Variants in IL1RAPL1 observed in about 807,000 individuals in gnomAD.
The protein encoded by IL1RAPL1 is interleukin-1 receptor accessory protein-like 1.
In IL1RAPL1, 3 loss-of-function variants were observed where a neutral mutation model predicts 48.4. That is an observed-to-expected ratio of 0.06 (90% CI 0.03 to 0.16). The LOEUF (loss-of-function observed/expected upper bound fraction) is 0.16. IL1RAPL1 is among the 10% of genes least tolerant of loss of function. The probability of loss-of-function intolerance (pLI) is 1.00; values close to 1 mark genes in which losing one functional copy is unlikely to be tolerated. For synonymous variants in IL1RAPL1, 185 were observed against 187.7 expected (o/e 0.99, Z 0.12); for missense variants, 349 against 530.6 (o/e 0.66, Z 3.36).
At chrX:28,896,927 A>G (rs1466357842) in intron 2 of IL1RAPL1, among the ~76,000 whole-genome samples, 2 of 111,153 alleles carry the variant, frequency 1.8e-5, no homozygotes, top group African/African-American at 6.5e-5. Flanking sequence ...GGAAAAATCA[A>G]AAGTGCCATT....
intron 8 of IL1RAPL1, among the ~76,000 whole-genome samples, chrX:29,936,292 TGA>T (rs1222425988): frequency 9.0e-6 from 1 of 110,881 alleles, no homozygotes; most frequent in East Asian, 2.8e-4. Flanking sequence ...TATAACACAA[TGA>T]GAGAAAAAGA....
At chrX:29,408,924 A>G (rs1328958701) in intron 5 of IL1RAPL1, among the ~76,000 whole-genome samples, 13 of 112,110 alleles carry the variant, frequency 1.2e-4, no homozygotes, top group African/African-American at 4.2e-4. Context: ...GCTGATCGCT[A>G]TGAGAGATTT....
At chrX:29,471,098 C>G (rs1470639012) in intron 5 of IL1RAPL1, among the ~76,000 whole-genome samples, 1 of 110,883 alleles carries the variant, frequency 9.0e-6, no homozygotes, top group Non-Finnish European at 1.9e-5. Flanking sequence ...TTTATTTACC[C>G]AAAGTCGAGA....
intron 2 of IL1RAPL1, among the ~76,000 whole-genome samples, chrX:28,898,561 C>T (rs964960042): frequency 2.7e-5 from 3 of 110,839 alleles, no homozygotes; most frequent in East Asian, 2.8e-4. Context: ...GCAGTCCTAC[C>T]GCCTCTGCCT....
chrX:29,712,398 T>A (rs1927376077), intron 6 of IL1RAPL1, among the ~76,000 whole-genome samples: 1 of 111,719 alleles, frequency 9.0e-6, no homozygotes, highest in Non-Finnish European at 1.9e-5. Flanking sequence ...TGTCAAATAA[T>A]AAATAATTTT....
In IL1RAPL1 at chrX:28,646,354, G is replaced by A. The variant is rs1316556500; in HGVS notation, c.-25+58307G>A. Among the ~76,000 whole-genome samples the A allele has an allele frequency of 2.7e-5, 3 of 112,145 alleles. No homozygotes were observed. The East Asian group carries it at 8.4e-4, about 31-fold the overall frequency. ...TGGCCAGCCACTCATCTCCTGCTAT[G>A]CAGCCCAGTTCTGACCCAGGCTGCA... On this transcript the variant is annotated intron_variant, in intron 1 of 10. Transcript: ENST00000378993.
intron 5 of IL1RAPL1, among the ~76,000 whole-genome samples, chrX:29,557,159 TG>T (rs1370775625): frequency 8.9e-6 from 1 of 111,914 alleles, no homozygotes; most frequent in East Asian, 2.8e-4. Flanking sequence ...ATTAAGTTGT[TG>T]GCTGTCTGGT....
intron 6 of IL1RAPL1, among the ~76,000 whole-genome samples, chrX:29,695,244 G>A (rs1926878369): frequency 9.0e-6 from 1 of 111,411 alleles, no homozygotes; most frequent in South Asian, 3.8e-4. Flanking sequence ...GTACAGAGAG[G>A]TTTCCCAAGG....
chrX:28,811,173 A>C (rs780577728), intron 2 of IL1RAPL1, among the ~76,000 whole-genome samples: 1 of 110,776 alleles, frequency 9.0e-6, no homozygotes, highest in Non-Finnish European at 1.9e-5. Flanking sequence ...AATTATTTCA[A>C]CTTAAATAAT....
intron 5 of IL1RAPL1, among the ~76,000 whole-genome samples, chrX:29,633,468 T>TACAC (rs200222696): frequency 0.012 from 1,196 of 97,733 alleles, 7 homozygotes; most frequent in East Asian, 0.021. Flanking sequence ...GATATATATA[T>TACAC]ACACACACAC....
intron 6 of IL1RAPL1, among the ~76,000 whole-genome samples, chrX:29,747,779 T>C (rs765359695): frequency 1.5e-4 from 17 of 112,725 alleles, no homozygotes; most frequent in Admixed American, 3.8e-4. Context: ...AGCTATTTTG[T>C]ATGATACAGG....
At chrX:28,748,227 G>A (rs774699131) in intron 1 of IL1RAPL1, among the ~76,000 whole-genome samples, 100 of 111,686 alleles carry the variant, frequency 9.0e-4, no homozygotes, top group Admixed American at 1.9e-3. Context: ...GTTTTATTTT[G>A]CTGTCCGTAA....
intron 5 of IL1RAPL1, among the ~76,000 whole-genome samples, chrX:29,557,427 A>G (rs150118324): frequency 4.6e-3 from 513 of 112,056 alleles, no homozygotes; most frequent in Non-Finnish European, 7.2e-3. Flanking sequence ...GTACAACACG[A>G]TGTTTCGATG....
At chrX:29,890,284 TTTAG>T (rs1169027410) in intron 6 of IL1RAPL1, among the ~76,000 whole-genome samples, 1 of 111,843 alleles carries the variant, frequency 8.9e-6, no homozygotes, top group Non-Finnish European at 1.9e-5. Context: ...AGGCCATAGC[TTTAG>T]TTAAATCGGC....
At chrX:29,817,510 C>A (rs1296246941) in intron 6 of IL1RAPL1, among the ~76,000 whole-genome samples, 1 of 110,920 alleles carries the variant, frequency 9.0e-6, no homozygotes, top group Non-Finnish European at 1.9e-5. Flanking sequence ...ATTGATGGTA[C>A]TAAGTTGGCT....
At chrX:29,665,168 A>G (rs955798413) in intron 5 of IL1RAPL1, among the ~76,000 whole-genome samples, 1 of 112,461 alleles carries the variant, frequency 8.9e-6, no homozygotes, top group Non-Finnish European at 1.9e-5. Context: ...CCTGTGCTTC[A>G]TATCATTACT....
intron 6 of IL1RAPL1, among the ~76,000 whole-genome samples, chrX:29,906,330 G>C (rs1376821029): frequency 2.4e-5 from 2 of 83,233 alleles, no homozygotes; most frequent in Non-Finnish European, 4.4e-5. Flanking sequence ...GCGAGACTCT[G>C]TCTCAAAAAA....
intron 1 of IL1RAPL1, among the ~76,000 whole-genome samples, chrX:28,597,515 G>A (rs960940251): frequency 9.0e-6 from 1 of 110,879 alleles, no homozygotes; most frequent in South Asian, 3.8e-4. Context: ...GCGGATCACC[G>A]GAGGTCAGGA....
intron 3 of IL1RAPL1, among the ~76,000 whole-genome samples, chrX:29,322,786 C>T (rs1055032163): frequency 2.7e-5 from 3 of 110,698 alleles, no homozygotes; most frequent in East Asian, 2.8e-4. Flanking sequence ...AACCAGAGTT[C>T]GAGAACAGGA....
Sources: allele counts gnomAD v4.1 joint callset (sites outside exome capture counted in the v4.1 genomes callset), GRCh38; gene constraint gnomAD v4.1.1; transcripts MANE v1.5; gene names NCBI Gene and HGNC (gene_info 2026-07-23, HGNC 2026-07-21).